The following MYO9B variants were observed in gnomAD, a reference collection of about 807,000 sequenced individuals.
MYO9B encodes unconventional myosin-IXb.
A neutral mutation model predicts 229.5 loss-of-function variants in MYO9B; 71 were observed. The ratio of observed to expected loss-of-function variants is 0.31; its 90% CI spans 0.26 to 0.38. The LOEUF is 0.38. MYO9B is among the 10% of genes least tolerant of loss of function. The pLI is 1.00. For synonymous variants in MYO9B, 1,185 were observed against 1,235.8 expected, an observed-to-expected ratio of 0.96 and a Z score of 0.86; for missense variants, 2,255 against 2,920.5, an observed-to-expected ratio of 0.77 and a Z score of 5.25.
Position 17,167,938 on chromosome 19 carries a change from T to C in MYO9B, c.1672-5T>C, listed in dbSNP as rs772872292. 4.4e-5 allele frequency: 68 copies of C among 1,562,972 alleles called. No homozygotes were observed. Among genetic ancestry groups the C allele is most frequent in the Admixed American group, 7.7e-5 (4 of 52,062 alleles). ...AAACTTACCGACCCCGCGCCACCCC[T>C]GCAGGAGGAATATCAGGGCGAGGGG... On this transcript the variant is annotated splice_polypyrimidine_tract_variant and splice_region_variant and intron_variant, in intron 10 of 39. Transcript: ENST00000682292.
intron 19 of MYO9B, among the ~76,000 whole-genome samples, chr19:17,189,182 C>T (rs1329112993): frequency 1.3e-5 from 2 of 151,630 alleles, no homozygotes; most frequent in Non-Finnish European, 2.9e-5. Flanking sequence ...AAAAATTAGC[C>T]AGACAAGGTG....
chr19:17,202,041 C>T lies in MYO9B; in HGVS notation c.4662+17C>T. On this transcript the variant is annotated intron_variant, in intron 27 of 39. Transcript: ENST00000682292. Reference sequence around the variant, plus strand: ...TCTGTCCCGGTATGTGGCGGCCCGGCCTTCAGCCTTTCCCATACCCTGCTC... The same window carrying T: ...TCTGTCCCGGTATGTGGCGGCCCGGTCTTCAGCCTTTCCCATACCCTGCTC... 1 of 1,611,764 alleles carries T rather than the reference C, an allele frequency of 6.2e-7. No homozygotes were observed.
Position 17,212,513 on chromosome 19 carries a change from C to T in MYO9B, c.*203C>T, listed in dbSNP as rs1007566863. ...AGCCAGGCCCCCTCGCACGCAGCCCCCAAATCATGGACGCACCTGTGGGGA... is the reference window on the plus strand; with the variant it reads ...AGCCAGGCCCCCTCGCACGCAGCCCTCAAATCATGGACGCACCTGTGGGGA... On this transcript the variant is annotated 3_prime_UTR_variant, in exon 40 of 40. Coordinates refer to ENST00000682292, the MANE Select transcript of MYO9B (RefSeq NM_004145.4). This position sits in a 1 kb window ranked among gnomAD's most constrained non-coding sequence, Gnocchi z 5.4. 1.8e-6 allele frequency: 1 copy of T among 546,546 alleles called. No homozygotes were observed. The allele number at this position is 546,546 out of a possible 1,614,324, so 33.9% of individuals were successfully genotyped here. A position where few individuals can be genotyped will look rare whatever the true frequency, so the allele number is the denominator to read the frequency against.
rs757791966 is a variant in MYO9B at position 17,102,134 on chromosome 19, C to T, written c.417C>T (p.Gly139=). Residue 139 remains glycine, a synonymous_variant, in exon 2 of 40, where the codon GGC becomes GGT. Coordinates refer to ENST00000682292, the MANE Select transcript of MYO9B (RefSeq NM_004145.4). ...CCACCCGGCGCCTAGTGGAGCGTGGCCTCCTGCCACGGCAGCAGGCGGACT... is the reference window on the plus strand; with the variant it reads ...CCACCCGGCGCCTAGTGGAGCGTGGTCTCCTGCCACGGCAGCAGGCGGACT... ...ATATRRLVER[G]LLPRQQADFD... 3.7e-6 allele frequency: 6 copies of T among 1,613,594 alleles called. No homozygotes were observed. The East Asian group carries it at 1.3e-4, about 36-fold the overall frequency.
Position 17,183,885 on chromosome 19 carries a change from A to G in MYO9B, c.2373+17A>G, listed in dbSNP as rs774404687. ...ATTCCAAAGGTAAAAAAAAAAACAC[A>G]CCCCGCGCGACACGTTCCAAGATAT... On this transcript the variant is annotated intron_variant, in intron 16 of 39. Transcript: ENST00000682292. 3.9e-6 allele frequency: 6 copies of G among 1,553,412 alleles called. No homozygotes were observed. The highest frequency in any genetic ancestry group is 5.2e-6 in the Non-Finnish European group (6 of 1,156,016).
Position 17,211,929 on chromosome 19 carries a change from G to GCCCCCCCCCCCCCCCCC in MYO9B, c.6096_6097insCCCCCCCCCCCCCCCCC (p.Thr2033ProfsTer26). 3.2e-6 allele frequency: 5 copies of GCCCCCCCCCCCCCCCCC among 1,552,360 alleles called. No individual in the cohort carries two copies. The highest frequency in any genetic ancestry group is 2.3e-5 in the East Asian group (1 of 43,566). On this transcript the variant is annotated frameshift_variant, in exon 40 of 40. Coordinates refer to ENST00000682292, the MANE Select transcript of MYO9B (RefSeq NM_004145.4). LOFTEE classifies it low-confidence loss of function (END_TRUNC). ...CGCCTGCTCTCCCTTGCCCCGGCGC[G>GCCCCCCCCCCCCCCCCC]CCCACCCCGAGCCCCCTCCCCACCG...
chr19:17,121,444 A>AATATATATATAT lies in MYO9B; in HGVS notation c.840+18896_840+18907dup, dbSNP rs59741893. ...ACACTTACAGCAGATATGTATTCCA[A>AATATATATATAT]ATATATATATATATATATATCCAAG... On this transcript the variant is annotated intron_variant, in intron 2 of 39. Transcript: ENST00000682292. 1.5e-4 allele frequency among the ~76,000 whole-genome samples: 21 copies of AATATATATATAT among 142,566 alleles called. 1 individual carries two copies. The highest frequency in any genetic ancestry group is 2.3e-4 in the Non-Finnish European group (15 of 64,826). The allele number at this position is 142,566 out of a possible 152,430, so 93.5% of individuals were successfully genotyped here. A position where few individuals can be genotyped will look rare whatever the true frequency, so the allele number is the denominator to read the frequency against.
intron 8 of MYO9B, among the ~76,000 whole-genome samples, chr19:17,161,550 TCACGCCTG>T (rs2072602292): frequency 2.0e-5 from 3 of 152,002 alleles, no homozygotes; most frequent in Non-Finnish European, 4.4e-5. Flanking sequence ...GCACGGTGGC[TCACGCCTG>T]TAATCCCAGC....
Position 17,183,870 on chromosome 19 carries a change from T to A in MYO9B, c.2373+2T>A, listed in dbSNP as rs1568290216. 1.6e-6 allele frequency: 2 copies of A among 1,216,392 alleles called. No homozygotes were observed. The highest frequency in any genetic ancestry group is 2.3e-5 in the Admixed American group (1 of 42,760). 75.3% of individuals were successfully genotyped at this position (1,216,392 alleles called of 1,614,324 possible). The stretch of plus-strand genomic sequence containing the variant: ...AAACAAAAGCAGATCATTCCAAAGG[T>A]AAAAAAAAAAACACACCCCGCGCGA... On this transcript the variant is annotated splice_donor_variant, in intron 16 of 39. Transcript: ENST00000682292. LOFTEE classifies it high-confidence loss of function.
In MYO9B at chr19:17,202,385, G is replaced by A. The variant is rs2145494894; in HGVS notation, c.4836+82G>A. ...GCCATCCTTAGCCACGCCCACCCAT[G>A]CCTCACCATGCTTATGCCACACCCA... On this transcript the variant is annotated intron_variant, in intron 28 of 39. Coordinates refer to ENST00000682292, the MANE Select transcript of MYO9B (RefSeq NM_004145.4). 2.2e-6 allele frequency: 3 copies of A among 1,363,804 alleles called. No individual in the cohort carries two copies. In the East Asian group the frequency reaches 7.5e-5, roughly 34 times the overall value. The allele number at this position is 1,363,804 out of a possible 1,614,324, so 84.5% of individuals were successfully genotyped here.
chr19:17,187,779 G>T (rs373721442), intron 18 of MYO9B, among the ~76,000 whole-genome samples, 156 bp from the exon 19 acceptor site: 18 of 152,134 alleles, frequency 1.2e-4, no homozygotes, highest in East Asian at 1.2e-3. Context: ...GCACCCACGT[G>T]TGCACCCTGA....
chr19:17,154,471 G>A, intron 6 of MYO9B, 56 bp downstream of exon 6: 5 of 1,350,792 alleles, frequency 3.7e-6, no homozygotes, highest in Non-Finnish European at 4.1e-6. Context: ...GGCACGCATG[G>A]CCCTTACCAG....
Position 17,172,454 on chromosome 19 carries a change from G to A in MYO9B, c.1912G>A (p.Gly638Arg). 1 of 1,613,822 alleles carries A rather than the reference G, an allele frequency of 6.2e-7. No individual in the cohort carries two copies. The highest frequency in any genetic ancestry group is 8.5e-7 in the Non-Finnish European group (1 of 1,179,822). Residue 638 changes from glycine to arginine, a missense_variant, in exon 12 of 40, where the codon GGG (glycine) becomes AGG (arginine). Transcript: ENST00000682292. The surrounding 1 kb of genome is among the most constrained non-coding windows in gnomAD (Gnocchi z 8.2). ...EPAFIIQHFA[G>R]KVKYQIKDFR... ...AGCTTTCATCATCCAGCACTTCGCA[G>A]GGAAGGTGAAATATCAGATCAAGGT...
chr19:17,123,838 A>G (rs1011964913), intron 2 of MYO9B, among the ~76,000 whole-genome samples: 1 of 152,074 alleles, frequency 6.6e-6, no homozygotes, highest in African/African-American at 2.4e-5. Flanking sequence ...CATATCGTGA[A>G]CTCTTAAGAG....
chr19:17,098,748 G>A (rs183665382), intron 1 of MYO9B, among the ~76,000 whole-genome samples: 23 of 152,234 alleles, frequency 1.5e-4, no homozygotes, highest in African/African-American at 5.3e-4. Context: ...GGGCAATATA[G>A]TGAGGCCCCC....
rs562242958 is a variant in MYO9B at position 17,136,187 on chromosome 19, G to C, written c.841-9210G>C. 1.5e-4 allele frequency among the ~76,000 whole-genome samples: 23 copies of C among 152,262 alleles called. No individual in the cohort carries two copies. The East Asian group carries it at 4.3e-3, about 28-fold the overall frequency. On this transcript the variant is annotated intron_variant, in intron 2 of 39. Coordinates refer to ENST00000682292, the MANE Select transcript of MYO9B (RefSeq NM_004145.4). ...CTGGTCGTGGGACCACATAGGTGAG[G>C]CTGGGCTTCGTGCTGTCAGGCAGGG... is the stretch of plus-strand genomic sequence containing the variant.
chr19:17,201,784 G>T, intron 26 of MYO9B, 142 bp from the exon 27 acceptor site: 1 of 646,368 alleles, frequency 1.5e-6, no homozygotes. Context: ...TGAGAGACCA[G>T]GCTTGGCCAG....
intron 8 of MYO9B, 36 bp from the exon 9 acceptor site, chr19:17,162,314 C>A: frequency 6.6e-7 from 1 of 1,512,144 alleles, no homozygotes; most frequent in Non-Finnish European, 8.9e-7. Flanking sequence ...CAGGGCCTGC[C>A]GTGCCGGAGG....
At position 17,101,537 on chromosome 19, in the gene MYO9B, G is replaced by A. The variant is rs562420040; in HGVS notation, c.-58-123G>A. The A allele has an allele frequency of 2.0e-6, 2 of 996,032 alleles. No individual in the cohort carries two copies. The highest frequency in any genetic ancestry group is 1.8e-5 in the South Asian group (1 of 55,736). The allele number at this position is 996,032 out of a possible 1,614,324, so 61.7% of individuals were successfully genotyped here. ...TGGTTGCCTCTGGCTTTTTGGGCGA[G>A]CCTAGTCGGGTGGGGAACTCCAGCA... On this transcript the variant is annotated intron_variant, in intron 1 of 39. Transcript: ENST00000682292. The surrounding 1 kb of genome is among the most constrained non-coding windows in gnomAD (Gnocchi z 4.7).
Sources: gnomAD v4.1 joint callset for allele counts (sites outside exome capture counted in the v4.1 genomes callset) on GRCh38, gnomAD v4.1.1 for gene constraint, Gnocchi (gnomAD v3.1) non-coding constraint, MANE v1.5 for transcripts, NCBI Gene and HGNC (gene_info 2026-07-23, HGNC 2026-07-21) for gene names.